MTHFD1L: variants seen among roughly 807,000 people sequenced by gnomAD.
The protein encoded by MTHFD1L is methylenetetrahydrofolate dehydrogenase (NADP+ dependent) 1 like, also known as monofunctional C1-tetrahydrofolate synthase, mitochondrial.
MTHFD1L carries 81 observed loss-of-function variants against 119.5 expected under a neutral mutation model. The ratio of observed to expected loss-of-function variants is 0.68; its 90% CI spans 0.57 to 0.82. The LOEUF is 0.82. MTHFD1L is among the 40% of genes least tolerant of loss of function. The pLI is 0.00. For synonymous variants in MTHFD1L, 430 were observed against 475.2 expected, an observed-to-expected ratio of 0.90 and a Z score of 1.24; for missense variants, 1,125 against 1,253.4, an observed-to-expected ratio of 0.90 and a Z score of 1.55.
Position 150,926,334 on chromosome 6 carries a change from T to C in MTHFD1L, c.1256+39T>C. The C allele has an allele frequency of 6.4e-7, 1 of 1,570,032 alleles. No individual in the cohort carries two copies. The highest frequency in any genetic ancestry group is 1.1e-5 in the South Asian group (1 of 87,906). The stretch of plus-strand genomic sequence containing the variant: ...TAACATCTACTTGATCAAGCAGACA[T>C]ATTTACAAAACTCTTCCCTATTTAT... On this transcript the variant is annotated intron_variant, in intron 11 of 27. Coordinates refer to ENST00000367321, the MANE Select transcript of MTHFD1L (RefSeq NM_015440.5). This position sits in a 1 kb window ranked among gnomAD's most constrained non-coding sequence, Gnocchi z 4.3.
chr6:151,054,691 A>G (rs1044432170), intron 26 of MTHFD1L, among the ~76,000 whole-genome samples: 1 of 152,128 alleles, frequency 6.6e-6, no homozygotes, highest in Non-Finnish European at 1.5e-5. Flanking sequence ...CCCCCAAATA[A>G]TCAGTTCTTT....
chr6:150,874,855 C>G (rs1214092465), intron 1 of MTHFD1L, among the ~76,000 whole-genome samples: 1 of 151,226 alleles, frequency 6.6e-6, no homozygotes, highest in Non-Finnish European at 1.5e-5. Flanking sequence ...CTCTGCCTCC[C>G]AGGTTCAAGA....
At chr6:151,023,109 C>T (rs548848717) in intron 24 of MTHFD1L, among the ~76,000 whole-genome samples, 7 of 150,962 alleles carry the variant, frequency 4.6e-5, no homozygotes, top group African/African-American at 1.7e-4. Flanking sequence ...TGCATTGGCA[C>T]GATCTCGGCT....
intron 15 of MTHFD1L, among the ~76,000 whole-genome samples, chr6:150,947,081 G>GA (rs796899011): frequency 0.12 from 15,030 of 122,374 alleles, 987 homozygotes; most frequent in Non-Finnish European, 0.16. Flanking sequence ...TCTCAAAAAA[G>GA]AAAAAAAAAA....
intron 19 of MTHFD1L, among the ~76,000 whole-genome samples, chr6:150,969,465 C>T (rs1797720623): frequency 6.7e-6 from 1 of 149,510 alleles, no homozygotes; most frequent in Admixed American, 6.7e-5. Context: ...CACTGCACTC[C>T]AGCCTGGGCG....
At chr6:150,997,218 G>A (rs1189831305) in intron 20 of MTHFD1L, among the ~76,000 whole-genome samples, 2 of 152,178 alleles carry the variant, frequency 1.3e-5, no homozygotes, top group Non-Finnish European at 2.9e-5. Flanking sequence ...GAGGGCCACG[G>A]GCTAGTGCCT....
chr6:150,891,141 A>G (rs1783196305), intron 7 of MTHFD1L, among the ~76,000 whole-genome samples: 1 of 152,096 alleles, frequency 6.6e-6, no homozygotes. Flanking sequence ...GTGCGCCACC[A>G]TGCCCAGCTA....
intron 22 of MTHFD1L, 100 bp from the exon 23 acceptor site, chr6:151,014,780 T>TG: frequency 1.3e-6 from 1 of 753,436 alleles, no homozygotes; most frequent in Non-Finnish European, 2.2e-6. Flanking sequence ...TGAAAAAAGA[T>TG]GTAGCAAATC....
chr6:151,045,840 A>G (rs950717489), intron 26 of MTHFD1L, among the ~76,000 whole-genome samples: 7 of 152,076 alleles, frequency 4.6e-5, no homozygotes, highest in African/African-American at 1.4e-4. Context: ...CAGGCTGCTG[A>G]TGGTATTGTG....
chr6:150,876,311 T>A, intron 2 of MTHFD1L, 137 bp downstream of exon 2: 1 of 715,816 alleles, frequency 1.4e-6, no homozygotes, highest in Non-Finnish European at 2.3e-6. Context: ...CTTTGGTCTT[T>A]TGCTTCTTTG....
chr6:151,058,859 T>C (rs1790301803), intron 26 of MTHFD1L, among the ~76,000 whole-genome samples: 1 of 152,206 alleles, frequency 6.6e-6, no homozygotes. Flanking sequence ...GTATTTTTAA[T>C]AGAGACGGGG....
intron 26 of MTHFD1L, chr6:151,041,732 G>A (rs1490980752): frequency 2.0e-6 from 1 of 503,842 alleles, no homozygotes; most frequent in South Asian, 1.5e-5. Context: ...AATGCGGCGG[G>A]CTTTATAACA....
In MTHFD1L at chr6:150,973,965, A is replaced by T. The variant is rs184963176; in HGVS notation, c.2125+1907A>T. Among the ~76,000 whole-genome samples the T allele has an allele frequency of 1.6e-3, 244 of 152,364 alleles. 2 individuals carry two copies. The highest frequency in any genetic ancestry group is 5.7e-3 in the African/African-American group (239 of 41,592). Reference sequence around the variant, plus strand: ...AGGATCAAGTGAGAAACTGCTTTGTAAAATATGAACTATGTTCAGGTCAGC... The same window carrying T: ...AGGATCAAGTGAGAAACTGCTTTGTTAAATATGAACTATGTTCAGGTCAGC... On this transcript the variant is annotated intron_variant, in intron 20 of 27. Transcript: ENST00000367321.
intron 26 of MTHFD1L, among the ~76,000 whole-genome samples, chr6:151,059,537 A>G (rs1052705865): frequency 1.3e-5 from 2 of 152,134 alleles, no homozygotes; most frequent in African/African-American, 4.8e-5. Flanking sequence ...TTTGGTGAGA[A>G]ATGAGAACTA....
intron 7 of MTHFD1L, 90 bp downstream of exon 7, chr6:150,888,071 G>T (rs1488762609): frequency 6.0e-6 from 8 of 1,338,054 alleles, no homozygotes; most frequent in Admixed American, 3.2e-5. Flanking sequence ...CTTAATTCAA[G>T]AAATTAGAGG....
intron 20 of MTHFD1L, among the ~76,000 whole-genome samples, chr6:151,000,129 A>G (rs1029874117): frequency 6.6e-6 from 1 of 152,138 alleles, no homozygotes; most frequent in African/African-American, 2.4e-5. Flanking sequence ...CACGAGGTCA[A>G]GACATTGAGA....
rs190348285 is a variant in MTHFD1L at position 150,972,661 on chromosome 6, G to T, written c.2125+603G>T. ...CAGCCTTAGCCCCTGCTCCTGTGGA[G>T]CGTACTGTCTAATGGTAATTGAATA... On this transcript the variant is annotated intron_variant, in intron 20 of 27. Transcript: ENST00000367321. Among the ~76,000 whole-genome samples the T allele has an allele frequency of 1.1e-3, 172 of 152,350 alleles. 2 individuals carry two copies. In the East Asian group the frequency reaches 0.028, roughly 25 times the overall value.
intron 4 of MTHFD1L, among the ~76,000 whole-genome samples, chr6:150,882,208 A>G (rs1050191016): frequency 6.6e-6 from 1 of 152,236 alleles, no homozygotes; most frequent in African/African-American, 2.4e-5. Flanking sequence ...TTTTTCTAGC[A>G]TAAGCCTTTG....
chr6:150,965,577 C>T (rs1383721639), intron 19 of MTHFD1L, among the ~76,000 whole-genome samples: 2 of 151,742 alleles, frequency 1.3e-5, no homozygotes, highest in African/African-American at 2.4e-5. Context: ...AGGAGAATCG[C>T]TTGAACCCGG....
Sources: allele counts gnomAD v4.1 joint callset (sites outside exome capture counted in the v4.1 genomes callset), GRCh38; gene constraint gnomAD v4.1.1; non-coding constraint Gnocchi (gnomAD v3.1); transcripts MANE v1.5; gene names NCBI Gene and HGNC (gene_info 2026-07-23, HGNC 2026-07-21).